Variants in OPCML observed in about 807,000 individuals in gnomAD.
The protein encoded by OPCML is opioid binding protein/cell adhesion molecule like, also known as opioid-binding protein/cell adhesion molecule.
In OPCML, 13 loss-of-function variants were observed where a neutral mutation model predicts 37.8. That is an observed-to-expected ratio of 0.34 (90% CI 0.22 to 0.55). The LOEUF is 0.55. OPCML is among the 20% of genes least tolerant of loss of function. OPCML has a pLI of 0.91. For missense variants in OPCML, 341 were observed against 435.6 expected (o/e 0.78, Z 1.93); for synonymous variants, 176 against 168.8 (o/e 1.04, Z -0.33).
At chr11:132,804,940 G>A (rs567117515) in intron 2 of OPCML, among the ~76,000 whole-genome samples, 1 of 152,260 alleles carries the variant, frequency 6.6e-6, no homozygotes, top group African/African-American at 2.4e-5. Flanking sequence ...AATAGACACT[G>A]AACCCAGATG....
At chr11:133,382,653 C>T (rs912589306) in intron 1 of OPCML, among the ~76,000 whole-genome samples, 1 of 152,228 alleles carries the variant, frequency 6.6e-6, no homozygotes, top group Non-Finnish European at 1.5e-5. Context: ...ATTCACCCCT[C>T]AATAAATGTC....
At chr11:132,622,747 G>C (rs980819285) in intron 3 of OPCML, among the ~76,000 whole-genome samples, 1 of 152,154 alleles carries the variant, frequency 6.6e-6, no homozygotes, top group African/African-American at 2.4e-5. Flanking sequence ...ATCTCTCCAA[G>C]GTACCACATT....
chr11:133,367,037 T>C (rs916888408), intron 1 of OPCML, among the ~76,000 whole-genome samples: 5 of 152,102 alleles, frequency 3.3e-5, no homozygotes, highest in African/African-American at 1.2e-4. Flanking sequence ...AGTGCAGTGG[T>C]GCGGTGTCTC....
chr11:132,538,784 C>T (rs2096347692), intron 3 of OPCML, among the ~76,000 whole-genome samples: 1 of 152,142 alleles, frequency 6.6e-6, no homozygotes, highest in East Asian at 1.9e-4. Context: ...CAAGACAACT[C>T]GCATTGCCCT....
In OPCML at chr11:133,129,274, C is replaced by T. The variant is rs150880919; in HGVS notation, c.62-186264G>A. 2.7e-3 allele frequency among the ~76,000 whole-genome samples: 405 copies of T among 152,174 alleles called. 1 individual carries two copies. Among genetic ancestry groups the T allele is most frequent in the African/African-American group, 8.0e-3 (333 of 41,532 alleles). ...AGTTGAGTACAGATCAGACCATGCA[C>T]GTAAGGGAACTACCCAAGGCAGGGG... On this transcript the variant is annotated intron_variant, in intron 1 of 7. Transcript: ENST00000524381.
At chr11:133,273,380 A>G (rs1467175053) in intron 1 of OPCML, among the ~76,000 whole-genome samples, 1 of 152,092 alleles carries the variant, frequency 6.6e-6, no homozygotes, top group Non-Finnish European at 1.5e-5. Context: ...ATCAGCTCCC[A>G]TGGCACCCAC....
chr11:132,448,018 G>T (rs2096059834), intron 4 of OPCML, among the ~76,000 whole-genome samples: 1 of 152,220 alleles, frequency 6.6e-6, no homozygotes, highest in Admixed American at 6.5e-5. Context: ...GGGCTCAAGG[G>T]CTCTTGGCTC....
chr11:132,842,917 C>A (rs1941357942), intron 2 of OPCML, among the ~76,000 whole-genome samples: 1 of 152,150 alleles, frequency 6.6e-6, no homozygotes, highest in South Asian at 2.1e-4. Flanking sequence ...AGTCATCAGC[C>A]TAAGATGCTT....
chr11:133,013,502 T>C (rs1947261271), intron 1 of OPCML, among the ~76,000 whole-genome samples: 2 of 152,212 alleles, frequency 1.3e-5, no homozygotes, highest in Admixed American at 1.3e-4. Flanking sequence ...AGATAATTAC[T>C]CATCATAAGC....
intron 1 of OPCML, among the ~76,000 whole-genome samples, chr11:132,985,395 G>A (rs1003853685): frequency 9.9e-5 from 15 of 152,150 alleles, no homozygotes; most frequent in Non-Finnish European, 1.8e-4. Context: ...CTTACTGGTT[G>A]TTAGTAAGTC....
intron 1 of OPCML, among the ~76,000 whole-genome samples, chr11:133,379,386 T>C (rs898344868): frequency 2.6e-5 from 4 of 152,236 alleles, no homozygotes; most frequent in Admixed American, 6.5e-5. Context: ...GAGAGCTCCC[T>C]CTGCGGCCAC....
At chr11:133,349,160 C>A (rs985628274) in intron 1 of OPCML, among the ~76,000 whole-genome samples, 1 of 152,178 alleles carries the variant, frequency 6.6e-6, no homozygotes, top group African/African-American at 2.4e-5. Flanking sequence ...GGGAGGATAA[C>A]AGAACAAGGT....
rs574185570 is a variant in OPCML, at chr11:132,873,900, C to T, written c.146+69026G>A. Among the ~76,000 whole-genome samples, 21 of 152,200 alleles carry T rather than the reference C, an allele frequency of 1.4e-4. No individual in the cohort carries two copies. In the South Asian group the frequency reaches 4.4e-3, roughly 32 times the overall value. ...TCATTAGTAAGTTAGTGTTGTATAT[C>T]GGCTTAAAAATATAAAATATTGCTC... On this transcript the variant is annotated intron_variant, in intron 2 of 7. Coordinates refer to ENST00000524381, the MANE Select transcript of OPCML (RefSeq NM_001012393.5).
At chr11:133,235,976 T>C (rs1360490408) in intron 1 of OPCML, among the ~76,000 whole-genome samples, 3 of 152,220 alleles carry the variant, frequency 2.0e-5, no homozygotes, top group African/African-American at 7.2e-5. Flanking sequence ...CAGCGGATGC[T>C]TAAAACTGAG....
chr11:133,313,243 G>A (rs952169940), intron 1 of OPCML, among the ~76,000 whole-genome samples: 1 of 152,144 alleles, frequency 6.6e-6, no homozygotes, highest in Admixed American at 6.5e-5. Flanking sequence ...CAGTCAATAT[G>A]TATTTGATAA....
intron 1 of OPCML, among the ~76,000 whole-genome samples, chr11:133,328,304 C>T (rs1257698250): frequency 6.6e-6 from 1 of 151,868 alleles, no homozygotes; most frequent in Non-Finnish European, 1.5e-5. Flanking sequence ...ATTACAGGTG[C>T]CTGCCATCAT....
At chr11:132,934,676 C>T (rs1432130817) in intron 2 of OPCML, among the ~76,000 whole-genome samples, 2 of 152,176 alleles carry the variant, frequency 1.3e-5, no homozygotes, top group Admixed American at 6.5e-5. Context: ...TAGCTCCTTT[C>T]TTTCCTTCCT....
rs542970979 is a variant in OPCML at position 133,224,417 on chromosome 11, G to A, written c.62-281407C>T. ...AAAGGGCAGCTGGTGGGCTTGTTCC[G>A]CTGTTCTTCAGCCTGTCACTGCACC... On this transcript the variant is annotated intron_variant, in intron 1 of 7. Transcript: ENST00000524381. 1.7e-3 allele frequency among the ~76,000 whole-genome samples: 253 copies of A among 152,296 alleles called. 1 individual carries two copies. The highest frequency in any genetic ancestry group is 5.8e-3 in the African/African-American group (240 of 41,574).
intron 1 of OPCML, among the ~76,000 whole-genome samples, chr11:132,956,758 A>G (rs942955031): frequency 3.3e-5 from 5 of 152,066 alleles, no homozygotes; most frequent in Admixed American, 2.6e-4. Flanking sequence ...TCGACCCTAA[A>G]AGCTTTCTTC....
Sources: allele counts gnomAD v4.1 joint callset (sites outside exome capture counted in the v4.1 genomes callset), GRCh38; gene constraint gnomAD v4.1.1; transcripts MANE v1.5; gene names NCBI Gene and HGNC (gene_info 2026-07-23, HGNC 2026-07-21).